The following CRY2 variants were observed in gnomAD, a reference collection of about 807,000 sequenced individuals.
The protein encoded by CRY2 is cryptochrome circadian regulator 2.
A neutral mutation model predicts 69.5 loss-of-function variants in CRY2; 31 were observed. The observed-to-expected ratio is 0.45, with a 90% CI of 0.34 to 0.60. The LOEUF is 0.60. Among genes scored for constraint, CRY2 ranks in the 20% least tolerant of loss-of-function variants. The pLI is 0.02. For missense variants in CRY2, 606 were observed against 797.8 expected, an observed-to-expected ratio of 0.76 and a Z score of 2.90; for synonymous variants, 303 against 312.2, an observed-to-expected ratio of 0.97 and a Z score of 0.31.
chr11:45,871,952 G>A, intron 10 of CRY2, 140 bp from the exon 11 acceptor site: 1 of 1,215,116 alleles, frequency 8.2e-7, no homozygotes, highest in South Asian at 1.5e-5. Context: ...GCAAGGCCGA[G>A]GGGCAGGTCT....
chr11:45,852,615 G>T (rs982977362), intron 1 of CRY2, among the ~76,000 whole-genome samples: 1 of 152,140 alleles, frequency 6.6e-6, no homozygotes, highest in Admixed American at 6.5e-5. Flanking sequence ...CTCCCTTCCC[G>T]GGTTGACTCG....
At chr11:45,862,012 C>T in intron 4 of CRY2, 48 bp from the exon 5 acceptor site, 1 of 1,523,334 alleles carries the variant, frequency 6.6e-7, no homozygotes, top group Non-Finnish European at 9.1e-7. Flanking sequence ...GCCGGGCTAT[C>T]ACTGAAATGG....
intron 1 of CRY2, among the ~76,000 whole-genome samples, chr11:45,854,267 G>C (rs937934838): frequency 5.3e-5 from 8 of 152,232 alleles, no homozygotes; most frequent in Admixed American, 4.6e-4. Flanking sequence ...TGAAGAAGAA[G>C]ATAAGAATGC....
chr11:45,851,866 G>A (rs987270689), intron 1 of CRY2, among the ~76,000 whole-genome samples: 1 of 152,162 alleles, frequency 6.6e-6, no homozygotes, highest in Admixed American at 6.5e-5. Flanking sequence ...CCTTGAAGCA[G>A]AGGAACTTGG....
Position 45,882,267 on chromosome 11 carries a change from T to G in CRY2, c.*1356T>G. ...TGGCCTGCACTTGAGCCACAAAGTGTGTGTGTGTGTGTGCGTGTGTGGTAC... is the reference window on the plus strand; with the variant it reads ...TGGCCTGCACTTGAGCCACAAAGTGGGTGTGTGTGTGTGCGTGTGTGGTAC... On this transcript the variant is annotated 3_prime_UTR_variant, in exon 12 of 12. Coordinates refer to ENST00000616080, the MANE Select transcript of CRY2 (RefSeq NM_021117.5). 1 of 198,098 alleles carries G rather than the reference T, an allele frequency of 5.0e-6. No individual in the cohort carries two copies. Among genetic ancestry groups the G allele is most frequent in the Non-Finnish European group, 1.0e-5 (1 of 98,168 alleles). The allele number at this position is 198,098 out of a possible 1,614,324, so 12.3% of individuals were successfully genotyped here.
chr11:45,861,700 CCA>C (rs2086289619), intron 4 of CRY2: 1 of 245,808 alleles, frequency 4.1e-6, no homozygotes, highest in Non-Finnish European at 7.9e-6. Context: ...CATCGGCCTC[CCA>C]AAGTGCTGGG....
At position 45,858,788 on chromosome 11, in the gene CRY2, C is replaced by G; in HGVS notation, c.382C>G (p.Arg128Gly). Residue 128 changes from arginine (R) to glycine (G), a missense_variant, in exon 3 of 12, where the codon CGG (arginine) becomes GGG (glycine). Coordinates refer to ENST00000616080, the MANE Select transcript of CRY2 (RefSeq NM_021117.5). ...TGACTCTGAACCCTTTGGGAAAGAA[C>G]GGGATGCAGCCATCATGAAGATGGC... ...EYDSEPFGKE[R>G]DAAIMKMAKE... The G allele has an allele frequency of 6.2e-7, 1 of 1,614,122 alleles. No homozygotes were observed. Among genetic ancestry groups the G allele is most frequent in the African/African-American group, 1.3e-5 (1 of 75,018 alleles).
intron 11 of CRY2, among the ~76,000 whole-genome samples, chr11:45,876,801 G>C (rs540624888): frequency 6.6e-6 from 1 of 152,314 alleles, no homozygotes; most frequent in Admixed American, 6.5e-5. Flanking sequence ...AAGGTGAAAG[G>C]CACTAGCAAT....
chr11:45,879,309 C>G (rs2086450150), intron 11 of CRY2, among the ~76,000 whole-genome samples: 1 of 152,098 alleles, frequency 6.6e-6, no homozygotes, highest in Non-Finnish European at 1.5e-5. Context: ...TTTTGCCCAG[C>G]TTCCAGATAA....
chr11:45,880,072 T>C (rs1263782431), intron 11 of CRY2, among the ~76,000 whole-genome samples: 2 of 152,200 alleles, frequency 1.3e-5, no homozygotes, highest in Admixed American at 1.3e-4. Flanking sequence ...GGGTTAGGAC[T>C]TCAACATAAG....
intron 11 of CRY2, among the ~76,000 whole-genome samples, chr11:45,874,149 G>A (rs542268368): frequency 2.6e-4 from 40 of 152,224 alleles, no homozygotes; most frequent in African/African-American, 6.5e-4. Flanking sequence ...GCATGGTGAC[G>A]TATGCCTGTA....
intron 5 of CRY2, among the ~76,000 whole-genome samples, chr11:45,866,750 A>T (rs2134641431): frequency 6.6e-6 from 1 of 152,296 alleles, no homozygotes; most frequent in Admixed American, 6.5e-5. Context: ...GTTGTGAAAC[A>T]GTATCATGGA....
chr11:45,855,988 A>T lies in CRY2; in HGVS notation c.222A>T (p.Leu74=), dbSNP rs770478503. 1 of 1,613,868 alleles carries T rather than the reference A, an allele frequency of 6.2e-7. No homozygotes were observed. The highest frequency in any genetic ancestry group is 1.7e-5 in the Admixed American group (1 of 60,030). The change falls in exon 2 of 12, where the codon CTA becomes CTT. Residue 74 remains leucine (L), a synonymous_variant. Coordinates refer to ENST00000616080, the MANE Select transcript of CRY2 (RefSeq NM_021117.5). Reference sequence around the variant, plus strand: ...GCCTGTGTGGACTCCACAGGTTCCTACTTCAGTCTCTGGAAGATTTGGACA... The same window carrying T: ...GCCTGTGTGGACTCCACAGGTTCCTTCTTCAGTCTCTGGAAGATTTGGACA... ...SSVGINRWRF[L]LQSLEDLDTS...
In CRY2 at chr11:45,881,027, G is replaced by A. The variant is rs568765918; in HGVS notation, c.*116G>A. On this transcript the variant is annotated 3_prime_UTR_variant, in exon 12 of 12. Coordinates refer to ENST00000616080, the MANE Select transcript of CRY2 (RefSeq NM_021117.5). ...GGGCAGAGATAGAGCGAGCATGTGT[G>A]TGTGTGTGCGCGTGTGCAGAGGAGG... 9.2e-5 allele frequency: 14 copies of A among 152,666 alleles called. No homozygotes were observed. The highest frequency in any genetic ancestry group is 3.4e-4 in the African/African-American group (14 of 41,600). 9.5% of individuals were successfully genotyped at this position (152,666 alleles called of 1,614,324 possible).
intron 4 of CRY2, 80 bp from the exon 5 acceptor site, chr11:45,861,980 G>A (rs910995813): frequency 2.4e-6 from 3 of 1,235,126 alleles, no homozygotes; most frequent in South Asian, 2.6e-5. Flanking sequence ...TTCTCATAAA[G>A]TTCAAATAAC....
chr11:45,853,875 A>T (rs1565056046), intron 1 of CRY2, among the ~76,000 whole-genome samples: 1 of 152,198 alleles, frequency 6.6e-6, no homozygotes, highest in Non-Finnish European at 1.5e-5. Flanking sequence ...ACAGAGGTGG[A>T]GCTTTTGGTT....
chr11:45,876,280 G>T (rs1424076723), intron 11 of CRY2, among the ~76,000 whole-genome samples: 1 of 152,214 alleles, frequency 6.6e-6, no homozygotes, highest in Non-Finnish European at 1.5e-5. Flanking sequence ...GCCTGTGGCA[G>T]TGTACAGGGT....
intron 5 of CRY2, among the ~76,000 whole-genome samples, chr11:45,866,189 C>T (rs1381769472): frequency 1.2e-4 from 19 of 152,166 alleles, no homozygotes. Context: ...GCACATCTCC[C>T]TTGAGCTGCC....
intron 1 of CRY2, among the ~76,000 whole-genome samples, chr11:45,850,001 GTTTTTTGTTTTTTTTTTT>G (rs1298098510): frequency 1.1e-5 from 1 of 93,554 alleles, no homozygotes; most frequent in Non-Finnish European, 2.5e-5. Flanking sequence ...GTTTTGTTTT[GTTTTTTGTTTTTTTTTTT>G]TTTTGAGACG....
Sources: gnomAD v4.1 joint callset for allele counts (sites outside exome capture counted in the v4.1 genomes callset) on GRCh38, gnomAD v4.1.1 for gene constraint, MANE v1.5 for transcripts, NCBI Gene and HGNC (gene_info 2026-07-23, HGNC 2026-07-21) for gene names.